Variants in ASCC3 observed in about 807,000 individuals in gnomAD.
ASCC3 encodes ASC-1 complex subunit P200.
ASCC3 carries 158 observed loss-of-function variants against 256.3 expected under a neutral mutation model. The ratio of observed to expected loss-of-function variants is 0.62; its 90% CI spans 0.54 to 0.70. The LOEUF (loss-of-function observed/expected upper bound fraction) is 0.70, where lower values mean the gene tolerates loss of function less well. ASCC3 is among the 30% of genes least tolerant of loss of function. The pLI, the probability that ASCC3 is intolerant of heterozygous loss-of-function variation, is 0.00. For missense variants in ASCC3, 2,259 were observed against 2,626.0 expected (o/e 0.86, Z 3.05); for synonymous variants, 948 against 883.4 (o/e 1.07, Z -1.30).
chr6:100,864,267 C>A, intron 2 of ASCC3, 53 bp from the exon 3 acceptor site: 1 of 1,428,282 alleles, frequency 7.0e-7, no homozygotes, highest in South Asian at 1.2e-5. Flanking sequence ...CTTCTCAACT[C>A]CAACGCTGAT....
At chr6:100,805,610 A>T (rs1332849009) in intron 5 of ASCC3, 150 bp downstream of exon 5, 1 of 1,003,268 alleles carries the variant, frequency 1.0e-6, no homozygotes, top group Non-Finnish European at 1.4e-6. Context: ...TTTTTTCATA[A>T]TATGCCATAT....
At position 100,652,958 on chromosome 6, in the gene ASCC3, T is replaced by C. The variant is rs1038364947; in HGVS notation, c.2824-69A>G. The C allele has an allele frequency of 1.0e-5, 15 of 1,438,392 alleles. No homozygotes were observed. In the East Asian group the frequency reaches 3.4e-4, roughly 33 times the overall value. 89.1% of individuals were successfully genotyped at this position (1,438,392 alleles called of 1,614,324 possible). ...GTAACCATTTGCAAACATATATTTA[T>C]TTATGGAAATTAAAACTTTTCTTAA... On this transcript the variant is annotated intron_variant, in intron 17 of 41. Transcript: ENST00000369162.
At chr6:100,556,832 CA>C (rs150404592) in intron 36 of ASCC3, among the ~76,000 whole-genome samples, 2,477 of 151,414 alleles carry the variant, frequency 0.016, 58 homozygotes, top group African/African-American at 0.057. Context: ...AAAGAGTGAA[CA>C]TTTTTTTTTA....
intron 30 of ASCC3, among the ~76,000 whole-genome samples, chr6:100,609,096 G>A (rs1399266039): frequency 6.6e-6 from 1 of 151,436 alleles, no homozygotes; most frequent in Non-Finnish European, 1.5e-5. Flanking sequence ...TTTTTTATTT[G>A]CACTTTATTT....
intron 16 of ASCC3, among the ~76,000 whole-genome samples, chr6:100,656,716 G>A (rs1775932296): frequency 1.3e-5 from 2 of 151,266 alleles, no homozygotes; most frequent in African/African-American, 4.8e-5. Flanking sequence ...GAATTTCAAT[G>A]AAAAGTTTCT....
chr6:100,586,344 G>A (rs1475478195), intron 36 of ASCC3, among the ~76,000 whole-genome samples: 1 of 152,152 alleles, frequency 6.6e-6, no homozygotes, highest in Non-Finnish European at 1.5e-5. Flanking sequence ...AGACTGCTGT[G>A]CTAGCAATCA....
chr6:100,528,255 T>C (rs900420061), intron 37 of ASCC3, among the ~76,000 whole-genome samples: 2 of 152,220 alleles, frequency 1.3e-5, no homozygotes, highest in Non-Finnish European at 2.9e-5. Context: ...TGAAATGTAA[T>C]ATAATTTTAG....
At chr6:100,619,960 T>C (rs1773862298) in intron 30 of ASCC3, among the ~76,000 whole-genome samples, 1 of 151,954 alleles carries the variant, frequency 6.6e-6, no homozygotes, top group African/African-American at 2.4e-5. Flanking sequence ...ATGAGTGGAT[T>C]TGGGTTAAAT....
At chr6:100,798,566 C>A in intron 8 of ASCC3, 147 bp downstream of exon 8, 1 of 1,151,942 alleles carries the variant, frequency 8.7e-7, no homozygotes, top group Admixed American at 2.1e-5. Flanking sequence ...TTTAAACTCT[C>A]CTACTGTAAT....
Position 100,646,599 on chromosome 6 carries a change from C to T in ASCC3, c.3633+16G>A, listed in dbSNP as rs781089202. Reference sequence around the variant, plus strand: ...TATTTTTGTTTAACACAGATATAGCCGTTTTCCACTTCTACCTGATCATTC... The same window carrying T: ...TATTTTTGTTTAACACAGATATAGCTGTTTTCCACTTCTACCTGATCATTC... On this transcript the variant is annotated intron_variant, in intron 22 of 41. Coordinates refer to ENST00000369162, the MANE Select transcript of ASCC3 (RefSeq NM_006828.4). 23 of 1,613,684 alleles carry T rather than the reference C, an allele frequency of 1.4e-5. No homozygotes were observed. The African/African-American group carries it at 2.0e-4, about 14-fold the overall frequency.
At chr6:100,648,104 T>C (rs1775478269) in intron 20 of ASCC3, among the ~76,000 whole-genome samples, 1 of 152,158 alleles carries the variant, frequency 6.6e-6, no homozygotes, top group Non-Finnish European at 1.5e-5. Context: ...AAGGTCACAC[T>C]GCTAGTTGGT....
chr6:100,699,297 A>C (rs976957358), intron 13 of ASCC3, among the ~76,000 whole-genome samples: 1 of 152,158 alleles, frequency 6.6e-6, no homozygotes, highest in Non-Finnish European at 1.5e-5. Flanking sequence ...ATAGTGAATA[A>C]GTGTCACAAG....
intron 30 of ASCC3, among the ~76,000 whole-genome samples, chr6:100,613,310 A>C (rs1213042129): frequency 4.0e-5 from 6 of 151,874 alleles, no homozygotes. Context: ...CATTTGTATA[A>C]ATTAAATTTT....
chr6:100,653,511 G>A (rs1284553577), intron 17 of ASCC3, among the ~76,000 whole-genome samples: 4 of 151,598 alleles, frequency 2.6e-5, no homozygotes, highest in African/African-American at 7.3e-5. Flanking sequence ...GGTGGTGCGC[G>A]CCTGTAATCC....
At chr6:100,726,083 G>A (rs1227794351) in intron 10 of ASCC3, among the ~76,000 whole-genome samples, 1 of 150,488 alleles carries the variant, frequency 6.6e-6, no homozygotes, top group Non-Finnish European at 1.5e-5. Context: ...AATGATGAAA[G>A]CATTAAAAGG....
intron 36 of ASCC3, among the ~76,000 whole-genome samples, chr6:100,581,631 T>C (rs1189013097): frequency 2.6e-5 from 4 of 152,116 alleles, no homozygotes; most frequent in Admixed American, 6.5e-5. Flanking sequence ...CCATTGCTTT[T>C]GGTGTTTTGG....
At chr6:100,836,565 C>A (rs146443770) in intron 4 of ASCC3, among the ~76,000 whole-genome samples, 156 of 152,202 alleles carry the variant, frequency 1.0e-3, no homozygotes, top group Middle Eastern at 3.4e-3. Flanking sequence ...ATATTTTGTA[C>A]CATCCTTGCA....
At chr6:100,794,904 G>T (rs1301217489) in intron 8 of ASCC3, among the ~76,000 whole-genome samples, 1 of 152,008 alleles carries the variant, frequency 6.6e-6, no homozygotes, top group Non-Finnish European at 1.5e-5. Flanking sequence ...GTAAACCTGA[G>T]TTTCTCACCA....
intron 10 of ASCC3, among the ~76,000 whole-genome samples, 156 bp from the exon 11 acceptor site, chr6:100,725,859 C>T (rs6937520): frequency 0.52 from 78,214 of 151,606 alleles, 20,458 homozygotes; most frequent in South Asian, 0.63. Context: ...CTATAGACAA[C>T]AGTCATTTCA....
Sources: allele counts gnomAD v4.1 joint callset (sites outside exome capture counted in the v4.1 genomes callset), GRCh38; gene constraint gnomAD v4.1.1; transcripts MANE v1.5; gene names NCBI Gene and HGNC (gene_info 2026-07-23, HGNC 2026-07-21).